The following MFSD6 variants were observed in gnomAD, a reference collection of about 807,000 sequenced individuals.
MFSD6 encodes major facilitator superfamily domain containing 6.
In MFSD6, 26 loss-of-function variants were observed where a neutral mutation model predicts 56.3. That is an observed-to-expected ratio of 0.46 (90% CI 0.34 to 0.64). MFSD6 has a LOEUF of 0.64. Among genes scored for constraint, MFSD6 ranks in the 30% least tolerant of loss-of-function variants. The pLI is 0.01. For missense variants in MFSD6, 750 were observed against 986.2 expected (o/e 0.76, Z 3.21); for synonymous variants, 331 against 366.9 (o/e 0.90, Z 1.12).
chr2:190,426,219 TC>T lies in MFSD6; in HGVS notation c.-53-9756del, dbSNP rs1685780666. ...AGATCTTTAGTTACAGTCCCATAGG[TC>T]CTTAAGGCTCTTTCACTTTATTTTC... On this transcript the variant is annotated intron_variant, in intron 2 of 7. Transcript: ENST00000392328. The surrounding 1 kb of genome is among the most constrained non-coding windows in gnomAD (Gnocchi z 4.7). 6.6e-6 allele frequency among the ~76,000 whole-genome samples: 1 copy of T among 152,218 alleles called. No homozygotes were observed. Among genetic ancestry groups the T allele is most frequent in the African/African-American group, 2.4e-5 (1 of 41,460 alleles).
chr2:190,491,233 G>A lies in MFSD6; in HGVS notation c.1891+1367G>A, dbSNP rs191136652. ...GTTTTTAAAATACTTGTGTTCTGGA[G>A]AGACTGTTATTGGGAAAATGGCAAG... is the stretch of plus-strand genomic sequence containing the variant. On this transcript the variant is annotated intron_variant, in intron 6 of 7. Coordinates refer to ENST00000392328, the MANE Select transcript of MFSD6 (RefSeq NM_017694.4). The surrounding 1 kb of genome is among the most constrained non-coding windows in gnomAD (Gnocchi z 4.2). Among the ~76,000 whole-genome samples, 1 of 152,326 alleles carries A rather than the reference G, an allele frequency of 6.6e-6. No homozygotes were observed. The highest frequency in any genetic ancestry group is 1.9e-4 in the East Asian group (1 of 5,184).
rs770593260 is a variant in MFSD6, at chr2:190,497,500, C to T, written c.1953C>T (p.Ile651=). The T allele has an allele frequency of 2.1e-5, 34 of 1,614,044 alleles. No homozygotes were observed. Among genetic ancestry groups the T allele is most frequent in the African/African-American group, 8.0e-5 (6 of 74,908 alleles). The stretch of plus-strand genomic sequence containing the variant: ...CCAGTCCCGTTCCTATAGCAACCAT[C>T]GACTTGGTACAGCAACAGACAGAAG... ...VPSSPVPIAT[I]DLVQQQTEDV... The change falls in exon 7 of 8, where the codon ATC becomes ATT. Residue 651 remains isoleucine (I), a synonymous_variant. Transcript: ENST00000392328. This position sits in a 1 kb window ranked among gnomAD's most constrained non-coding sequence, Gnocchi z 5.2.
chr2:190,411,614 G>T, intron 1 of MFSD6: 1 of 978,182 alleles, frequency 1.0e-6, no homozygotes, highest in Non-Finnish European at 1.2e-6. Flanking sequence ...AAGAAGACTA[G>T]AATTAATTGA....
At position 190,469,946 on chromosome 2, in the gene MFSD6, G is replaced by C; in HGVS notation, c.1630+91G>C. ...GGCCTTCAGCATCTGATTCTATAAAGGAAGGGCAGGCCTACTGTTTCATGT... is the reference window on the plus strand; with the variant it reads ...GGCCTTCAGCATCTGATTCTATAAACGAAGGGCAGGCCTACTGTTTCATGT... On this transcript the variant is annotated intron_variant, in intron 4 of 7. Coordinates refer to ENST00000392328, the MANE Select transcript of MFSD6 (RefSeq NM_017694.4). This position sits in a 1 kb window ranked among gnomAD's most constrained non-coding sequence, Gnocchi z 5.3. The C allele has an allele frequency of 1.2e-6, 1 of 844,522 alleles. No individual in the cohort carries two copies. The highest frequency in any genetic ancestry group is 2.6e-5 in the East Asian group (1 of 38,504). The allele number at this position is 844,522 out of a possible 1,614,324, so 52.3% of individuals were successfully genotyped here. A position where few individuals can be genotyped will look rare whatever the true frequency, so the allele number is the denominator to read the frequency against.
chr2:190,443,766 G>T lies in MFSD6; in HGVS notation c.1532+6205G>T, dbSNP rs1046123605. 6.6e-6 allele frequency among the ~76,000 whole-genome samples: 1 copy of T among 152,144 alleles called. No homozygotes were observed. Among genetic ancestry groups the T allele is most frequent in the African/African-American group, 2.4e-5 (1 of 41,438 alleles). On this transcript the variant is annotated intron_variant, in intron 3 of 7. Coordinates refer to ENST00000392328, the MANE Select transcript of MFSD6 (RefSeq NM_017694.4). This position sits in a 1 kb window ranked among gnomAD's most constrained non-coding sequence, Gnocchi z 4.2. ...TATAAACAAAGGTTGTCTTCTTAAA[G>T]ATTAGTCTAGTCTGGGTGTGGCTCA...
chr2:190,469,870 G>T lies in MFSD6; in HGVS notation c.1630+15G>T. ...AGTTCTTCAAGGTAAGTTAACAGCT[G>T]GGATTGAAATTATTTCTCTGCCTTC... On this transcript the variant is annotated intron_variant, in intron 4 of 7. Transcript: ENST00000392328. The surrounding 1 kb of genome is among the most constrained non-coding windows in gnomAD (Gnocchi z 5.3). 1 of 1,552,672 alleles carries T rather than the reference G, an allele frequency of 6.4e-7. No homozygotes were observed. The highest frequency in any genetic ancestry group is 8.8e-7 in the Non-Finnish European group (1 of 1,130,000).
At position 190,432,236 on chromosome 2, in the gene MFSD6, T is replaced by A. The variant is rs1042873033; in HGVS notation, c.-53-3741T>A. Among the ~76,000 whole-genome samples the A allele has an allele frequency of 7.9e-5, 12 of 152,194 alleles. No homozygotes were observed. In the East Asian group the frequency reaches 2.3e-3, roughly 29 times the overall value. On this transcript the variant is annotated intron_variant, in intron 2 of 7. Coordinates refer to ENST00000392328, the MANE Select transcript of MFSD6 (RefSeq NM_017694.4). ...TTTTCTAGAGAAGAGGCTTTAACTT[T>A]CCTGCCTAGAGGATGGAAGTCTTGC... is the stretch of plus-strand genomic sequence containing the variant.
At position 190,424,633 on chromosome 2, in the gene MFSD6, C is replaced by T. The variant is rs1439002179; in HGVS notation, c.-54+9220C>T. Among the ~76,000 whole-genome samples, 4 of 152,134 alleles carry T rather than the reference C, an allele frequency of 2.6e-5. No individual in the cohort carries two copies. Among genetic ancestry groups the T allele is most frequent in the Non-Finnish European group, 5.9e-5 (4 of 68,036 alleles). ...ACAGGCGTGAGCCACTGCGCCTGGC[C>T]GAGTTTCATTATTTTTGCCCATGGA... On this transcript the variant is annotated intron_variant, in intron 2 of 7. Coordinates refer to ENST00000392328, the MANE Select transcript of MFSD6 (RefSeq NM_017694.4). The surrounding 1 kb of genome is among the most constrained non-coding windows in gnomAD (Gnocchi z 5.9).
chr2:190,432,064 A>G (rs778302734), intron 2 of MFSD6, among the ~76,000 whole-genome samples: 20 of 152,184 alleles, frequency 1.3e-4, no homozygotes, highest in Non-Finnish European at 2.5e-4. Context: ...ACTTTCCTCA[A>G]ATGTCTTATA....
chr2:190,448,480 G>T (rs1338431152), intron 3 of MFSD6, among the ~76,000 whole-genome samples: 2 of 152,168 alleles, frequency 1.3e-5, no homozygotes, highest in South Asian at 2.1e-4. Context: ...TAATGCAGGG[G>T]TTAAAAGAAA....
intron 2 of MFSD6, among the ~76,000 whole-genome samples, chr2:190,422,980 G>A (rs958559949): frequency 6.6e-6 from 1 of 151,952 alleles, no homozygotes; most frequent in Admixed American, 6.6e-5. Context: ...TAAAGCCCTA[G>A]ATAAGAAAAT....
In MFSD6 at chr2:190,462,120, T is replaced by C. The variant is rs1372191991; in HGVS notation, c.1533-7638T>C. On this transcript the variant is annotated intron_variant, in intron 3 of 7. Transcript: ENST00000392328. This position sits in a 1 kb window ranked among gnomAD's most constrained non-coding sequence, Gnocchi z 5.7. ...ATCATTGTTCGTGATTTGCTGTCTGTCTCCTTCTTGGTTTGTTTTTGTATT... is the reference window on the plus strand; with the variant it reads ...ATCATTGTTCGTGATTTGCTGTCTGCCTCCTTCTTGGTTTGTTTTTGTATT... 3.3e-5 allele frequency among the ~76,000 whole-genome samples: 5 copies of C among 152,180 alleles called. No individual in the cohort carries two copies. In the East Asian group the frequency reaches 9.6e-4, roughly 29 times the overall value.
At chr2:190,479,111 G>T (rs1688515014) in intron 4 of MFSD6, among the ~76,000 whole-genome samples, 1 of 152,144 alleles carries the variant, frequency 6.6e-6, no homozygotes. Flanking sequence ...GGTTTGTGAA[G>T]AAACAAATTT....
chr2:190,411,015 A>G (rs1442977108), intron 1 of MFSD6: 1 of 485,342 alleles, frequency 2.1e-6, no homozygotes, highest in African/African-American at 2.1e-5. Flanking sequence ...AGATCGCGCC[A>G]CTGCACTCCA....
chr2:190,420,210 A>G (rs1559102541), intron 2 of MFSD6, among the ~76,000 whole-genome samples: 2 of 146,072 alleles, frequency 1.4e-5, no homozygotes, highest in Admixed American at 6.9e-5. Context: ...TATAGCAACC[A>G]TATATAGACA....
In MFSD6 at chr2:190,499,500, G is replaced by A. The variant is rs1262837588; in HGVS notation, c.2173-515G>A. 6.6e-6 allele frequency among the ~76,000 whole-genome samples: 1 copy of A among 152,078 alleles called. No homozygotes were observed. Among genetic ancestry groups the A allele is most frequent in the African/African-American group, 2.4e-5 (1 of 41,398 alleles). On this transcript the variant is annotated intron_variant, in intron 7 of 7. Transcript: ENST00000392328. The surrounding 1 kb of genome is among the most constrained non-coding windows in gnomAD (Gnocchi z 6.0). ...GATGTTCTGTCTTATCTAACTTTTG[G>A]TGCACATTTTGAAATACCAAATATA...
chr2:190,449,991 G>A (rs187184978), intron 3 of MFSD6, among the ~76,000 whole-genome samples: 7 of 151,982 alleles, frequency 4.6e-5, no homozygotes, highest in Admixed American at 4.6e-4. Flanking sequence ...TTGTGCACGT[G>A]TACCCTAAAA....
At position 190,463,857 on chromosome 2, in the gene MFSD6, G is replaced by A. The variant is rs1687460161; in HGVS notation, c.1533-5901G>A. ...ATAAATAAAATAAAAATAAAAAGCTGAGAATGATGGAGCCCAATCTAAGGG... is the reference window on the plus strand; with the variant it reads ...ATAAATAAAATAAAAATAAAAAGCTAAGAATGATGGAGCCCAATCTAAGGG... On this transcript the variant is annotated intron_variant, in intron 3 of 7. Coordinates refer to ENST00000392328, the MANE Select transcript of MFSD6 (RefSeq NM_017694.4). The surrounding 1 kb of genome is among the most constrained non-coding windows in gnomAD (Gnocchi z 4.4). The A allele has an allele frequency of 1.0e-6, 1 of 979,974 alleles. No individual in the cohort carries two copies. Among genetic ancestry groups the A allele is most frequent in the Non-Finnish European group, 1.2e-6 (1 of 825,140 alleles). 60.7% of individuals were successfully genotyped at this position (979,974 alleles called of 1,614,324 possible). A position where few individuals can be genotyped will look rare whatever the true frequency, so the allele number is the denominator to read the frequency against.
At chr2:190,442,389 G>T (rs1371920527) in intron 3 of MFSD6, among the ~76,000 whole-genome samples, 1 of 152,138 alleles carries the variant, frequency 6.6e-6, no homozygotes, top group Non-Finnish European at 1.5e-5. Flanking sequence ...GCTGGGATCA[G>T]TAACCTGAAT....
Sources: gnomAD v4.1 joint callset for allele counts (sites outside exome capture counted in the v4.1 genomes callset) on GRCh38, gnomAD v4.1.1 for gene constraint, Gnocchi (gnomAD v3.1) non-coding constraint, MANE v1.5 for transcripts, NCBI Gene and HGNC (gene_info 2026-07-23, HGNC 2026-07-21) for gene names.